Variants in NPAS3 observed in about 807,000 individuals in gnomAD.
The protein encoded by NPAS3 is neuronal PAS domain-containing protein 3.
NPAS3 carries 14 observed loss-of-function variants against 73.1 expected under a neutral mutation model. The ratio of observed to expected loss-of-function variants is 0.19; its 90% confidence interval spans 0.13 to 0.30. NPAS3 has a LOEUF of 0.30. Ranked by LOEUF, NPAS3 falls within the 10% of genes least tolerant of loss-of-function variation. The pLI is 1.00. For missense variants in NPAS3, 1,096 were observed against 1,250.0 expected (o/e 0.88, Z 1.86); for synonymous variants, 620 against 541.5 (o/e 1.14, Z -2.01).
chr14:33,627,687 G>A (rs1015494599), intron 5 of NPAS3, among the ~76,000 whole-genome samples: 1 of 152,156 alleles, frequency 6.6e-6, no homozygotes, highest in Non-Finnish European at 1.5e-5. Flanking sequence ...AGAAAGATTA[G>A]GGTAAAAACA....
chr14:33,633,381 T>C (rs1180196861), intron 5 of NPAS3, among the ~76,000 whole-genome samples: 1 of 152,196 alleles, frequency 6.6e-6, no homozygotes, highest in Non-Finnish European at 1.5e-5. Flanking sequence ...GGATCATCCA[T>C]AGAGAAAGTA....
intron 6 of NPAS3, among the ~76,000 whole-genome samples, chr14:33,726,043 T>C (rs901364601): frequency 1.3e-5 from 2 of 152,202 alleles, no homozygotes; most frequent in Non-Finnish European, 2.9e-5. Context: ...CTGTTCCTCA[T>C]TCAATATCCA....
At chr14:33,241,810 C>T (rs1455481928) in intron 3 of NPAS3, among the ~76,000 whole-genome samples, 4 of 151,958 alleles carry the variant, frequency 2.6e-5, no homozygotes, top group Non-Finnish European at 5.9e-5. Context: ...TATAATTAAA[C>T]CATGTTGTCT....
At chr14:33,716,136 C>A (rs186539861) in intron 6 of NPAS3, among the ~76,000 whole-genome samples, 62 of 152,314 alleles carry the variant, frequency 4.1e-4, no homozygotes, top group African/African-American at 1.5e-3. Context: ...TCTTTGTAAC[C>A]TGTCTCCACA....
chr14:33,384,397 G>A (rs1193840305), intron 4 of NPAS3, among the ~76,000 whole-genome samples: 1 of 150,132 alleles, frequency 6.7e-6, no homozygotes, highest in Admixed American at 6.7e-5. Flanking sequence ...GTGTGTGTGT[G>A]TTTTTAATGT....
chr14:33,230,525 T>C (rs563384291), intron 3 of NPAS3, among the ~76,000 whole-genome samples: 1 of 152,324 alleles, frequency 6.6e-6, no homozygotes, highest in South Asian at 2.1e-4. Context: ...ACAGTACACC[T>C]AATATTTACA....
At chr14:33,778,421 T>C (rs2062885205) in intron 8 of NPAS3, 45 bp from the exon 9 acceptor site, 19 of 1,327,090 alleles carry the variant, frequency 1.4e-5, no homozygotes, top group Non-Finnish European at 2.1e-5. Context: ...AGTTTCTTTA[T>C]ATTTCCTCCT....
chr14:33,181,442 C>T (rs1002390067), intron 2 of NPAS3, among the ~76,000 whole-genome samples: 2 of 152,144 alleles, frequency 1.3e-5, no homozygotes, highest in African/African-American at 4.8e-5. Context: ...CTCAATTTTG[C>T]ATAGTGAGAT....
intron 9 of NPAS3, among the ~76,000 whole-genome samples, chr14:33,792,403 G>GA (rs969639066): frequency 1.5e-4 from 22 of 151,336 alleles, no homozygotes; most frequent in Non-Finnish European, 2.2e-4. Flanking sequence ...TGTGCTGTGA[G>GA]AAAAAAAAGG....
chr14:33,721,024 G>T (rs1272429823), intron 6 of NPAS3, among the ~76,000 whole-genome samples: 2 of 152,092 alleles, frequency 1.3e-5, no homozygotes, highest in Non-Finnish European at 2.9e-5. Context: ...AGCCAAAAAT[G>T]AAGTAGAAAA....
chr14:33,586,958 C>T (rs536608656), intron 5 of NPAS3, among the ~76,000 whole-genome samples: 44 of 152,150 alleles, frequency 2.9e-4, no homozygotes, highest in Middle Eastern at 3.2e-3. Context: ...GAGGAGTCTG[C>T]ACAGTGAGAG....
At chr14:33,390,623 AG>A (rs1294897885) in intron 4 of NPAS3, among the ~76,000 whole-genome samples, 1 of 152,170 alleles carries the variant, frequency 6.6e-6, no homozygotes, top group Non-Finnish European at 1.5e-5. Flanking sequence ...TACTGCACCA[AG>A]TATATGGACG....
chr14:33,342,008 G>A (rs779368679), intron 3 of NPAS3, among the ~76,000 whole-genome samples: 52 of 152,170 alleles, frequency 3.4e-4, no homozygotes, highest in Admixed American at 1.0e-3. Context: ...TGCCCTGGGA[G>A]ACAAGATTTT....
intron 7 of NPAS3, among the ~76,000 whole-genome samples, chr14:33,770,457 AT>A (rs2062614584): frequency 6.6e-6 from 1 of 152,212 alleles, no homozygotes; most frequent in Non-Finnish European, 1.5e-5. Context: ...ATTAGAAATA[AT>A]TATAGATGTC....
chr14:32,999,958 G>T (rs1202468721), intron 1 of NPAS3, among the ~76,000 whole-genome samples: 1 of 152,132 alleles, frequency 6.6e-6, no homozygotes, highest in African/African-American at 2.4e-5. Context: ...GGACAGAAAG[G>T]CTCACAATTG....
chr14:33,178,056 A>G (rs1404974674), intron 2 of NPAS3, among the ~76,000 whole-genome samples: 1 of 148,944 alleles, frequency 6.7e-6, no homozygotes, highest in Admixed American at 6.8e-5. Context: ...GAATTTTGAT[A>G]GGCATTGAAG....
intron 3 of NPAS3, among the ~76,000 whole-genome samples, chr14:33,254,305 A>G (rs945318778): frequency 4.0e-5 from 6 of 151,840 alleles, no homozygotes; most frequent in African/African-American, 9.7e-5. Context: ...GCCTTAACAC[A>G]CTTCTCGAAG....
chr14:33,064,176 AAG>A (rs1431771029), intron 2 of NPAS3, among the ~76,000 whole-genome samples: 1 of 152,202 alleles, frequency 6.6e-6, no homozygotes, highest in African/African-American at 2.4e-5. Context: ...GAAATTTAAA[AAG>A]TATAATTTTC....
chr14:33,075,610 T>G (rs2041630517), intron 2 of NPAS3, among the ~76,000 whole-genome samples: 1 of 152,252 alleles, frequency 6.6e-6, no homozygotes, highest in Non-Finnish European at 1.5e-5. Flanking sequence ...TATAGCAGCT[T>G]CTATTAGTCA....
Sources: allele counts gnomAD v4.1 joint callset (sites outside exome capture counted in the v4.1 genomes callset), GRCh38; gene constraint gnomAD v4.1.1; transcripts MANE v1.5; gene names NCBI Gene and HGNC (gene_info 2026-07-23, HGNC 2026-07-21).